Variants in RREB1 observed in about 807,000 individuals in gnomAD.
RREB1 encodes the protein ras responsive element binding protein 1.
Under a neutral mutation model 117.8 loss-of-function variants are expected in RREB1, and 27 were observed. The observed-to-expected ratio is 0.23, with a 90% CI of 0.17 to 0.32. The LOEUF (loss-of-function observed/expected upper bound fraction) is 0.32, where lower values mean the gene tolerates loss of function less well. RREB1 is among the 10% of genes least tolerant of loss of function. RREB1 has a pLI of 1.00. For missense variants in RREB1, 2,577 were observed against 2,378.2 expected, an observed-to-expected ratio of 1.08 and a Z score of -1.74; for synonymous variants, 1,298 against 1,026.7, an observed-to-expected ratio of 1.26 and a Z score of -5.05.
At chr6:7,183,788 A>G (rs546597680) in intron 4 of RREB1, 7 of 152,230 alleles carry the variant, frequency 4.6e-5, no homozygotes, top group Admixed American at 4.6e-4. Context: ...TAAAAAAACA[A>G]AACTCAGTGG....
chr6:7,225,092 C>G (rs969761579), intron 8 of RREB1, among the ~76,000 whole-genome samples: 2 of 152,208 alleles, frequency 1.3e-5, no homozygotes, highest in Admixed American at 6.5e-5. Flanking sequence ...ACTTCGTTAT[C>G]TCTTTATTTC....
intron 5 of RREB1, chr6:7,187,756 G>A: frequency 3.9e-6 from 1 of 253,386 alleles, no homozygotes; most frequent in Non-Finnish European, 7.3e-6. Context: ...TGGATGAGCT[G>A]TAGCTGTGCC....
rs1393624895 is a variant in RREB1, at chr6:7,226,462, C to T, written c.708-5C>T. 4 of 1,607,660 alleles carry T rather than the reference C, an allele frequency of 2.5e-6. No homozygotes were observed. The South Asian group carries it at 3.3e-5, about 13-fold the overall frequency. On this transcript the variant is annotated splice_region_variant and splice_polypyrimidine_tract_variant and intron_variant, in intron 8 of 12. Coordinates refer to ENST00000379938, the MANE Select transcript of RREB1 (RefSeq NM_001003699.4). ...GCCTCATATGTTCTCCCTTTCCTCT[C>T]CTAGATGTGACATTTGTTGTGTCAC...
At chr6:7,188,717 C>G (rs1367551097) in intron 5 of RREB1, among the ~76,000 whole-genome samples, 1 of 152,176 alleles carries the variant, frequency 6.6e-6, no homozygotes, top group East Asian at 1.9e-4. Flanking sequence ...GGCCAAAACT[C>G]TACCCTGTGC....
Position 7,229,711 on chromosome 6 carries a change from A to C in RREB1, c.1612A>C (p.Ile538Leu). The change falls in exon 10 of 13, where the codon ATC (isoleucine) becomes CTC (leucine). Residue 538 changes from isoleucine (I) to leucine (L), a missense_variant. By Grantham distance (5) the Ile-to-Leu change is conservative. Coordinates refer to ENST00000379938, the MANE Select transcript of RREB1 (RefSeq NM_001003699.4). The surrounding 1 kb of genome is among the most constrained non-coding windows in gnomAD (Gnocchi z 4.5). ...INAQQASPGC[I>L]SPSLPPPPLK... ...CGCCCAGCAGGCTTCCCCGGGCTGT[A>C]TCAGCCCCAGCCTGCCGCCACCGCC... is the stretch of plus-strand genomic sequence containing the variant. 6.2e-7 allele frequency: 1 copy of C among 1,606,056 alleles called. No homozygotes were observed. The highest frequency in any genetic ancestry group is 8.5e-7 in the Non-Finnish European group (1 of 1,175,422).
intron 1 of RREB1, among the ~76,000 whole-genome samples, chr6:7,125,478 A>G (rs769545430): frequency 3.4e-4 from 52 of 152,076 alleles, no homozygotes; most frequent in Non-Finnish European, 5.7e-4. Flanking sequence ...GAAACCTTTC[A>G]TGTGGGCACC....
At chr6:7,184,946 C>A (rs1417949689) in intron 4 of RREB1, 2 of 152,098 alleles carry the variant, frequency 1.3e-5, no homozygotes, top group Admixed American at 1.3e-4. Context: ...TGGAACTCAT[C>A]CCCAACTTTT....
intron 1 of RREB1, among the ~76,000 whole-genome samples, chr6:7,164,577 C>T (rs78248744): frequency 2.3e-3 from 344 of 152,294 alleles, no homozygotes; most frequent in African/African-American, 7.5e-3. Context: ...CTCAGGTCAT[C>T]CCATCCCATA....
chr6:7,110,787 T>C (rs993668110), intron 1 of RREB1, among the ~76,000 whole-genome samples: 4 of 152,230 alleles, frequency 2.6e-5, no homozygotes, highest in Non-Finnish European at 5.9e-5. Context: ...GAATGTCTTG[T>C]TTTTAAAGAG....
At position 7,229,780 on chromosome 6, in the gene RREB1, C is replaced by T. The variant is rs752795406; in HGVS notation, c.1681C>T (p.His561Tyr). 6 of 1,607,514 alleles carry T rather than the reference C, an allele frequency of 3.7e-6. No homozygotes were observed. The highest frequency in any genetic ancestry group is 2.2e-5 in the East Asian group (1 of 44,684). ...CTCAGTGGAGGCGGCCTCCAACGCCCACCTGCTGCAGTCCAAGTCCGGGAC... is the reference window on the plus strand; with the variant it reads ...CTCAGTGGAGGCGGCCTCCAACGCCTACCTGCTGCAGTCCAAGTCCGGGAC... The part of the protein sequence containing the change: ...KGSVEAASNA[H>Y]LLQSKSGTQP... Residue 561 changes from histidine (H) to tyrosine (Y), a missense_variant, in exon 10 of 13, where the codon CAC becomes TAC. By Grantham distance (83) the His-to-Tyr change is moderately conservative (BLOSUM62 2). Transcript: ENST00000379938. This position sits in a 1 kb window ranked among gnomAD's most constrained non-coding sequence, Gnocchi z 4.5.
At chr6:7,163,633 A>G (rs562216017) in intron 1 of RREB1, among the ~76,000 whole-genome samples, 1 of 152,178 alleles carries the variant, frequency 6.6e-6, no homozygotes, top group East Asian at 1.9e-4. Context: ...TGACCTCATG[A>G]TCTGCCCGCC....
At chr6:7,204,060 C>T (rs557191789) in intron 6 of RREB1, among the ~76,000 whole-genome samples, 1 of 152,342 alleles carries the variant, frequency 6.6e-6, no homozygotes, top group South Asian at 2.1e-4. Flanking sequence ...AGCGAGCCTA[C>T]AGACTGTGGG....
intron 1 of RREB1, among the ~76,000 whole-genome samples, chr6:7,126,284 G>T (rs1009082825): frequency 6.6e-6 from 1 of 151,988 alleles, no homozygotes; most frequent in Non-Finnish European, 1.5e-5. Context: ...ACAGGCGTGA[G>T]CCACTGCGCC....
intron 1 of RREB1, among the ~76,000 whole-genome samples, chr6:7,145,359 G>A (rs1369045690): frequency 1.3e-5 from 2 of 152,156 alleles, no homozygotes; most frequent in Non-Finnish European, 2.9e-5. Flanking sequence ...TAGTATGTGT[G>A]TTGCTTAAAA....
At chr6:7,128,570 A>G (rs750428648) in intron 1 of RREB1, among the ~76,000 whole-genome samples, 8 of 152,232 alleles carry the variant, frequency 5.3e-5, no homozygotes, top group Non-Finnish European at 1.0e-4. Flanking sequence ...TCATGCAGCC[A>G]GTGACACATG....
intron 1 of RREB1, among the ~76,000 whole-genome samples, chr6:7,174,029 CTT>C: frequency 1.3e-5 from 2 of 152,290 alleles, no homozygotes; most frequent in East Asian, 1.9e-4. Flanking sequence ...CCTCCGTTGA[CTT>C]TGCGTAAATC....
In RREB1 at chr6:7,246,427, G is replaced by C; in HGVS notation, c.3977G>C (p.Ser1326Thr). The change falls in exon 12 of 13, where the codon AGT becomes ACT. Residue 1326 changes from serine to threonine, a missense_variant. Transcript: ENST00000379938. ...CCCCGCTGTGCTTGCCCCACAGACA[G>C]TCAGTCGGATGCGGAGACTGCAGCC... ...SDVGSHDSTDSQSDAETAAAA... is the reference protein window; with the variant it reads ...SDVGSHDSTDTQSDAETAAAA... 1 of 1,481,054 alleles carries C rather than the reference G, an allele frequency of 6.8e-7. No individual in the cohort carries two copies. Among genetic ancestry groups the C allele is most frequent in the Non-Finnish European group, 9.0e-7 (1 of 1,112,342 alleles). 91.7% of individuals were successfully genotyped at this position (1,481,054 alleles called of 1,614,324 possible). A position where few individuals can be genotyped will look rare whatever the true frequency, so the allele number is the denominator to read the frequency against.
At chr6:7,182,802 G>A (rs1455621198) in intron 4 of RREB1, among the ~76,000 whole-genome samples, 2 of 152,192 alleles carry the variant, frequency 1.3e-5, no homozygotes, top group East Asian at 1.9e-4. Context: ...CATGTAATAC[G>A]AGTTGACTTC....
chr6:7,139,095 T>G (rs1356268542), intron 1 of RREB1: 1 of 152,264 alleles, frequency 6.6e-6, no homozygotes, highest in African/African-American at 2.4e-5. Context: ...ATTGCTTGGC[T>G]GCCCCTTGCC....
Sources: allele counts gnomAD v4.1 joint callset (sites outside exome capture counted in the v4.1 genomes callset), GRCh38; gene constraint gnomAD v4.1.1; non-coding constraint Gnocchi (gnomAD v3.1); transcripts MANE v1.5; gene names NCBI Gene and HGNC (gene_info 2026-07-23, HGNC 2026-07-21).